AHI1: variants seen among roughly 807,000 people sequenced by gnomAD.
AHI1 encodes Abelson helper integration site 1.
Under a neutral mutation model 149.3 loss-of-function variants are expected in AHI1, and 123 were observed. The observed-to-expected ratio is 0.82, with a 90% CI of 0.71 to 0.96. AHI1 has a LOEUF of 0.96. AHI1 is among the 40% of genes least tolerant of loss of function. The pLI is 0.00. For missense variants in AHI1, 1,439 were observed against 1,422.7 expected (o/e 1.01, Z -0.18); for synonymous variants, 475 against 459.8 (o/e 1.03, Z -0.42).
chr6:135,362,415 C>T (rs1393262675), intron 23 of AHI1, among the ~76,000 whole-genome samples: 6 of 152,092 alleles, frequency 3.9e-5, no homozygotes, highest in Non-Finnish European at 8.8e-5. Context: ...AACTTTTGCA[C>T]CAACCTAATA....
At chr6:135,320,875 A>G (rs1399630304) in intron 25 of AHI1, among the ~76,000 whole-genome samples, 1 of 152,152 alleles carries the variant, frequency 6.6e-6, no homozygotes, top group Non-Finnish European at 1.5e-5. Context: ...CTCCTGTTTA[A>G]CCTCAGCTGT....
chr6:135,325,129 C>A (rs927774710), intron 24 of AHI1, among the ~76,000 whole-genome samples: 3 of 151,680 alleles, frequency 2.0e-5, no homozygotes, highest in Admixed American at 1.3e-4. Flanking sequence ...CGGGTTCAAG[C>A]GATTCTCCTG....
At chr6:135,469,370 G>T (rs1276906159) in intron 5 of AHI1, among the ~76,000 whole-genome samples, 2 of 151,970 alleles carry the variant, frequency 1.3e-5, no homozygotes, top group Non-Finnish European at 2.9e-5. Context: ...CAAAATAAGA[G>T]CCATTTATGA....
chr6:135,342,168 A>G (rs1465596757), intron 24 of AHI1, among the ~76,000 whole-genome samples: 3 of 151,888 alleles, frequency 2.0e-5, no homozygotes, highest in South Asian at 4.1e-4. Flanking sequence ...TGAACTATCA[A>G]TTGTATGTTA....
intron 24 of AHI1, among the ~76,000 whole-genome samples, chr6:135,328,352 T>C (rs1252264402): frequency 6.6e-6 from 1 of 152,216 alleles, no homozygotes; most frequent in African/African-American, 2.4e-5. Context: ...TCCAACAGCA[T>C]GTGCTTACTT....
intron 21 of AHI1, among the ~76,000 whole-genome samples, chr6:135,405,777 T>C (rs900462479): frequency 6.7e-6 from 1 of 150,280 alleles, no homozygotes; most frequent in Non-Finnish European, 1.5e-5. Flanking sequence ...GGAGAATCAC[T>C]TGAATCTGGG....
Position 135,318,573 on chromosome 6 carries a change from A to AG in AHI1, c.3371dup (p.Pro1125SerfsTer5). On this transcript the variant is annotated frameshift_variant, in exon 26 of 29. Transcript: ENST00000265602. LOFTEE classifies it high-confidence loss of function. ...TAGTTTTTTCCTCAGGGCTTAAAGG[A>AG]GGGGATCGCTCCTTTATCTCAGGAG... is the stretch of plus-strand genomic sequence containing the variant. 13 of 1,606,246 alleles carry AG rather than the reference A, an allele frequency of 8.1e-6. No individual in the cohort carries two copies. The highest frequency in any genetic ancestry group is 1.1e-5 in the Non-Finnish European group (13 of 1,176,390).
chr6:135,382,164 A>T (rs1470647900), intron 23 of AHI1, among the ~76,000 whole-genome samples: 1 of 152,178 alleles, frequency 6.6e-6, no homozygotes, highest in Non-Finnish European at 1.5e-5. Context: ...ACCATTTATA[A>T]CACAAAAATC....
chr6:135,428,658 C>T lies in AHI1; in HGVS notation c.2594G>A (p.Gly865Asp), dbSNP rs752861028. Residue 865 changes from glycine to aspartate, a missense_variant, in exon 19 of 29, where the codon GGT becomes GAT. Physicochemically the swap from Gly to Asp is moderately conservative, Grantham distance 94. Coordinates refer to ENST00000265602, the MANE Select transcript of AHI1 (RefSeq NM_001134831.2). ...GTFLFAGSEDGIVYVWNPETG... is the reference protein window; with the variant it reads ...GTFLFAGSEDDIVYVWNPETG... The stretch of plus-strand genomic sequence containing the variant: ...TTCTGGGTTCCAAACATACACTATA[C>T]CATCCTCACTTCCAGCAAACAGAAA... 3.7e-6 allele frequency: 6 copies of T among 1,608,634 alleles called. No individual in the cohort carries two copies. The South Asian group carries it at 6.6e-5, about 18-fold the overall frequency.
At chr6:135,395,276 G>T (rs1413073440) in intron 22 of AHI1, among the ~76,000 whole-genome samples, 1 of 151,910 alleles carries the variant, frequency 6.6e-6, no homozygotes, top group African/African-American at 2.4e-5. Context: ...GCATTTTAGT[G>T]AAATAGCAAG....
At chr6:135,385,597 C>T (rs926808320) in intron 23 of AHI1, among the ~76,000 whole-genome samples, 18 of 152,118 alleles carry the variant, frequency 1.2e-4, no homozygotes, top group African/African-American at 4.3e-4. Context: ...AAACATCTGT[C>T]TGAAAACATT....
intron 26 of AHI1, chr6:135,301,646 T>A (rs1022462763): frequency 2.0e-6 from 2 of 985,432 alleles, no homozygotes; most frequent in Non-Finnish European, 2.4e-6. Context: ...AAGTCAAGCA[T>A]AATAAAAACA....
At chr6:135,440,178 AG>A (rs1377361056) in intron 14 of AHI1, among the ~76,000 whole-genome samples, 1 of 152,092 alleles carries the variant, frequency 6.6e-6, no homozygotes, top group African/African-American at 2.4e-5. Flanking sequence ...CCATCCCCAA[AG>A]ACTTCTCACT....
chr6:135,326,609 G>A (rs1192252018), intron 24 of AHI1, among the ~76,000 whole-genome samples: 3 of 151,620 alleles, frequency 2.0e-5, no homozygotes, highest in Non-Finnish European at 2.9e-5. Flanking sequence ...TGCCCAGGCT[G>A]GAGTGCAGTG....
Position 135,379,974 on chromosome 6 carries a change from C to A in AHI1, c.3109+14802G>T, listed in dbSNP as rs544017911. The stretch of plus-strand genomic sequence containing the variant: ...CTTCCCCTTCTCCCTCCCTCCCTCC[C>A]CTTCACCCTCTCCCTCCCTCCCCTT... On this transcript the variant is annotated intron_variant, in intron 23 of 28. Coordinates refer to ENST00000265602, the MANE Select transcript of AHI1 (RefSeq NM_001134831.2). 6.5e-3 allele frequency among the ~76,000 whole-genome samples: 694 copies of A among 106,486 alleles called. 12 individuals carry two copies. Among genetic ancestry groups the A allele is most frequent in the Non-Finnish European group, 1.0e-2 (495 of 49,660 alleles). 69.9% of individuals were successfully genotyped at this position (106,486 alleles called of 152,430 possible). A position where few individuals can be genotyped will look rare whatever the true frequency, so the allele number is the denominator to read the frequency against.
chr6:135,482,347 G>A (rs1371890228), intron 5 of AHI1, among the ~76,000 whole-genome samples: 1 of 152,158 alleles, frequency 6.6e-6, no homozygotes, highest in African/African-American at 2.4e-5. Flanking sequence ...CTTCCATGAT[G>A]TAAGTATTCA....
At chr6:135,347,680 T>C (rs1264092385) in intron 24 of AHI1, among the ~76,000 whole-genome samples, 1 of 152,208 alleles carries the variant, frequency 6.6e-6, no homozygotes, top group Non-Finnish European at 1.5e-5. Flanking sequence ...CCTGAAGTTC[T>C]TCAAATTATC....
intron 15 of AHI1, among the ~76,000 whole-genome samples, chr6:135,434,469 G>T (rs1583215138): frequency 1.3e-5 from 2 of 151,998 alleles, no homozygotes; most frequent in South Asian, 2.1e-4. Flanking sequence ...AAAGATAGAT[G>T]AAAAACTCAG....
chr6:135,333,633 A>G (rs1478212435), intron 24 of AHI1, among the ~76,000 whole-genome samples: 1 of 152,234 alleles, frequency 6.6e-6, no homozygotes, highest in African/African-American at 2.4e-5. Flanking sequence ...GATAAGTGAA[A>G]CTTAAAAACT....
Sources: gnomAD v4.1 joint callset for allele counts (sites outside exome capture counted in the v4.1 genomes callset) on GRCh38, gnomAD v4.1.1 for gene constraint, MANE v1.5 for transcripts, NCBI Gene and HGNC (gene_info 2026-07-23, HGNC 2026-07-21) for gene names.